GPC5: variants seen among roughly 807,000 people sequenced by gnomAD.
The protein encoded by GPC5 is glypican 5.
Under a neutral mutation model 53.9 loss-of-function variants are expected in GPC5, and 47 were observed. The observed-to-expected ratio is 0.87, with a 90% CI of 0.69 to 1.11. The LOEUF (loss-of-function observed/expected upper bound fraction) is 1.11. Ranked by LOEUF, GPC5 falls within the 50% of genes most tolerant of loss-of-function variation. The pLI is 0.00. For missense variants in GPC5, 748 were observed against 713.1 expected, an observed-to-expected ratio of 1.05 and a Z score of -0.56; for synonymous variants, 286 against 263.3, an observed-to-expected ratio of 1.09 and a Z score of -0.84.
intron 7 of GPC5, among the ~76,000 whole-genome samples, chr13:92,677,307 A>T (rs1438609206): frequency 6.6e-6 from 1 of 152,218 alleles, no homozygotes; most frequent in Non-Finnish European, 1.5e-5. Context: ...GTCACAAAAG[A>T]CTAACTTGAA....
intron 2 of GPC5, among the ~76,000 whole-genome samples, chr13:91,600,160 A>G (rs1405000585): frequency 6.6e-6 from 1 of 152,130 alleles, no homozygotes; most frequent in Non-Finnish European, 1.5e-5. Flanking sequence ...TGATCTCACA[A>G]TACACCCGCC....
intron 6 of GPC5, among the ~76,000 whole-genome samples, chr13:92,045,752 G>C (rs562929145): frequency 6.6e-6 from 1 of 152,162 alleles, no homozygotes; most frequent in South Asian, 2.1e-4. Context: ...TGATACAGGA[G>C]AACTATGGCA....
At chr13:91,982,861 G>C (rs933436384) in intron 6 of GPC5, among the ~76,000 whole-genome samples, 4 of 152,052 alleles carry the variant, frequency 2.6e-5, no homozygotes, top group Non-Finnish European at 5.9e-5. Flanking sequence ...AGCAACATAA[G>C]GAAGAGAAGA....
chr13:92,212,070 A>G (rs975343576), intron 7 of GPC5, among the ~76,000 whole-genome samples: 32 of 151,430 alleles, frequency 2.1e-4, no homozygotes, highest in Non-Finnish European at 4.4e-5. Context: ...GGTAAGTGCC[A>G]CAATAAAGCA....
chr13:92,256,483 G>T (rs552254337), intron 7 of GPC5, among the ~76,000 whole-genome samples: 1 of 152,080 alleles, frequency 6.6e-6, no homozygotes, highest in African/African-American at 2.4e-5. Context: ...GCAATATTTG[G>T]TTCTTTCTGC....
intron 7 of GPC5, among the ~76,000 whole-genome samples, chr13:92,752,314 G>A (rs1038245460): frequency 1.3e-5 from 2 of 152,136 alleles, no homozygotes; most frequent in Non-Finnish European, 2.9e-5. Context: ...ATCCCTGGGG[G>A]ACAAAATGCT....
intron 2 of GPC5, among the ~76,000 whole-genome samples, chr13:91,539,821 T>C (rs1246679662): frequency 2.0e-5 from 3 of 151,752 alleles, no homozygotes; most frequent in Non-Finnish European, 2.9e-5. Context: ...TATGTTTAGA[T>C]ACAACATCAT....
rs114201802 is a variant in GPC5 at position 92,112,687 on chromosome 13, T to C, written c.1402-32143T>C. On this transcript the variant is annotated intron_variant, in intron 6 of 7. Transcript: ENST00000377067. ...GGAAAGAAAGCAGGTGATATGTAGA[T>C]GTTGATCATAGGATTGTAACAGTCA... 6.5e-3 allele frequency among the ~76,000 whole-genome samples: 991 copies of C among 152,222 alleles called. 17 individuals are homozygous for C. Among genetic ancestry groups the C allele is most frequent in the African/African-American group, 0.023 (937 of 41,556 alleles).
chr13:91,925,712 C>T (rs2039760406), intron 6 of GPC5, among the ~76,000 whole-genome samples: 1 of 152,048 alleles, frequency 6.6e-6, no homozygotes, highest in African/African-American at 2.4e-5. Flanking sequence ...TGATTAAGAC[C>T]ATACTCGCTT....
chr13:92,296,953 T>C (rs1443433698), intron 7 of GPC5, among the ~76,000 whole-genome samples: 2 of 151,826 alleles, frequency 1.3e-5, no homozygotes, highest in East Asian at 3.9e-4. Flanking sequence ...TCCCACCCCC[T>C]CCATGGGCTC....
intron 5 of GPC5, among the ~76,000 whole-genome samples, chr13:91,893,277 T>C (rs9589366): frequency 0.028 from 4,234 of 152,150 alleles, 203 homozygotes; most frequent in African/African-American, 0.095. Context: ...TGTATGCCAA[T>C]GACTTTGTAT....
chr13:91,960,746 C>G (rs534974324), intron 6 of GPC5, among the ~76,000 whole-genome samples: 10 of 151,898 alleles, frequency 6.6e-5, no homozygotes, highest in Non-Finnish European at 1.3e-4. Context: ...AGAAATAAAT[C>G]TACATATGTA....
intron 7 of GPC5, among the ~76,000 whole-genome samples, chr13:92,303,892 G>A (rs2043092520): frequency 6.6e-6 from 1 of 152,162 alleles, no homozygotes; most frequent in Admixed American, 6.5e-5. Context: ...AAGTTTATAA[G>A]TGCATAAACT....
At chr13:91,592,643 G>C (rs1467896455) in intron 2 of GPC5, among the ~76,000 whole-genome samples, 1 of 152,210 alleles carries the variant, frequency 6.6e-6, no homozygotes, top group African/African-American at 2.4e-5. Context: ...CCTTAGCTGT[G>C]TGCTCCAGCC....
chr13:91,653,114 T>C (rs902257578), intron 2 of GPC5, among the ~76,000 whole-genome samples: 1 of 152,230 alleles, frequency 6.6e-6, no homozygotes. Context: ...AACTTCTGTA[T>C]TGTATTCTCT....
At chr13:92,084,328 G>A (rs1265552861) in intron 6 of GPC5, among the ~76,000 whole-genome samples, 1 of 152,102 alleles carries the variant, frequency 6.6e-6, no homozygotes, top group African/African-American at 2.4e-5. Context: ...GTGTTGTCTT[G>A]CTATATCACG....
At chr13:92,858,934 T>C (rs1406162494) in intron 7 of GPC5, among the ~76,000 whole-genome samples, 1 of 152,198 alleles carries the variant, frequency 6.6e-6, no homozygotes, top group Non-Finnish European at 1.5e-5. Context: ...AATTACTTTC[T>C]TTCATGTTTA....
chr13:92,303,275 G>T (rs2043087729), intron 7 of GPC5, among the ~76,000 whole-genome samples: 1 of 152,128 alleles, frequency 6.6e-6, no homozygotes, highest in Non-Finnish European at 1.5e-5. Flanking sequence ...AGTCTCCGTG[G>T]TGGTCTAAAG....
chr13:91,806,451 C>A (rs115773024), intron 5 of GPC5, among the ~76,000 whole-genome samples: 1 of 142,480 alleles, frequency 7.0e-6, no homozygotes, highest in Non-Finnish European at 1.5e-5. Flanking sequence ...TTTTTTTTTA[C>A]TTTAACGCAA....
Sources: allele counts gnomAD v4.1 joint callset (sites outside exome capture counted in the v4.1 genomes callset), GRCh38; gene constraint gnomAD v4.1.1; transcripts MANE v1.5; gene names NCBI Gene and HGNC (gene_info 2026-07-23, HGNC 2026-07-21).